Variants in MYH13 observed in about 807,000 individuals in gnomAD.
MYH13 encodes myosin-13.
MYH13 carries 177 observed loss-of-function variants against 232.1 expected under a neutral mutation model. That is an observed-to-expected ratio of 0.76 (90% CI 0.67 to 0.86). The LOEUF is 0.86. Among genes scored for constraint, MYH13 ranks in the 40% least tolerant of loss-of-function variants. MYH13 has a pLI of 0.00. For missense variants in MYH13, 2,246 were observed against 2,405.9 expected, an observed-to-expected ratio of 0.93 and a Z score of 1.39; for synonymous variants, 884 against 923.5, an observed-to-expected ratio of 0.96 and a Z score of 0.78.
chr17:10,347,712 CTTTTTTTTTT>C (rs71139041), intron 12 of MYH13, among the ~76,000 whole-genome samples: 1 of 86,724 alleles, frequency 1.2e-5, no homozygotes, highest in African/African-American at 4.5e-5. Flanking sequence ...GGGACTACTT[CTTTTTTTTTT>C]TTTTTTTTTT....
chr17:10,359,181 G>A (rs1211991328), intron 7 of MYH13, among the ~76,000 whole-genome samples: 3 of 152,194 alleles, frequency 2.0e-5, no homozygotes, highest in African/African-American at 7.2e-5. Context: ...CTCAGGATGG[G>A]GGCTGGCTGC....
Position 10,328,006 on chromosome 17 carries a change from T to C in MYH13, c.2551A>G (p.Lys851Glu). The change falls in exon 22 of 41, where the codon AAG (lysine) becomes GAG (glutamate). Residue 851 changes from lysine to glutamate, a missense_variant. By Grantham distance (56) the Lys-to-Glu change is moderately conservative. Transcript: ENST00000252172. ...KPLLKSAEAEKEMATMKEDFE... is the reference protein window; with the variant it reads ...KPLLKSAEAEEEMATMKEDFE... ...TCTTCCTTCATGGTGGCCATCTCCT[T>C]CTCGGCCTCTGCACTCTTCAGCAGG... 6.2e-7 allele frequency: 1 copy of C among 1,614,134 alleles called. No homozygotes were observed. The highest frequency in any genetic ancestry group is 8.5e-7 in the Non-Finnish European group (1 of 1,180,006).
At chr17:10,349,754 G>A (rs1481258069) in intron 12 of MYH13, among the ~76,000 whole-genome samples, 2 of 152,106 alleles carry the variant, frequency 1.3e-5, no homozygotes, top group African/African-American at 4.8e-5. Flanking sequence ...AAGCATTTAT[G>A]GGACACTGAT....
intron 2 of MYH13, among the ~76,000 whole-genome samples, chr17:10,369,034 C>T (rs1323644947): frequency 6.6e-6 from 1 of 152,156 alleles, no homozygotes; most frequent in Non-Finnish European, 1.5e-5. Flanking sequence ...AAAACCATGG[C>T]ACAGTCTCAT....
intron 2 of MYH13, among the ~76,000 whole-genome samples, chr17:10,368,288 A>G (rs373149763): frequency 5.3e-5 from 8 of 152,360 alleles, no homozygotes; most frequent in African/African-American, 1.7e-4. Context: ...GTGATTTATA[A>G]CAAATGCTGT....
Position 10,320,481 on chromosome 17 carries a change from C to G in MYH13, c.3127G>C (p.Glu1043Gln). 1.2e-6 allele frequency: 2 copies of G among 1,612,916 alleles called. No homozygotes were observed. Among genetic ancestry groups the G allele is most frequent in the Non-Finnish European group, 1.7e-6 (2 of 1,179,528 alleles). ...TCCGCCCGCAGTTTCTTCTCCTGCT[C>G]TAAGGAACCCTCAAGCTGAGAAGAC... Reference protein sequence around the residue: ...QQTDDLEGSLEQEKKLRADLE... With the variant: ...QQTDDLEGSLQQEKKLRADLE... The change falls in exon 25 of 41, where the codon GAG becomes CAG. Residue 1043 changes from glutamate to glutamine, a missense_variant. Physicochemically the swap from Glu to Gln is conservative, Grantham distance 29. Transcript: ENST00000252172.
chr17:10,365,038 AT>A (rs1018693926), intron 2 of MYH13, among the ~76,000 whole-genome samples: 2 of 151,566 alleles, frequency 1.3e-5, no homozygotes, highest in East Asian at 3.9e-4. Flanking sequence ...ACACCCAGCT[AT>A]TTTTTTTATA....
At chr17:10,355,692 G>C (rs949464861) in intron 8 of MYH13, among the ~76,000 whole-genome samples, 1 of 152,072 alleles carries the variant, frequency 6.6e-6, no homozygotes, top group African/African-American at 2.4e-5. Flanking sequence ...ATGCCCACAG[G>C]CTCCTTCTCC....
intron 29 of MYH13, among the ~76,000 whole-genome samples, chr17:10,315,375 C>T (rs1906663474): frequency 6.6e-6 from 1 of 152,168 alleles, no homozygotes; most frequent in African/African-American, 2.4e-5. Flanking sequence ...TCACTGCCAC[C>T]TCCGCCCCCT....
chr17:10,343,783 A>G lies in MYH13; in HGVS notation c.1894+17T>C. ...CATAGAACGTCCCACAGAGGGAAAGAAATGATAGAATTTTACCTGTCTCTG... is the reference window on the plus strand; with the variant it reads ...CATAGAACGTCCCACAGAGGGAAAGGAATGATAGAATTTTACCTGTCTCTG... On this transcript the variant is annotated intron_variant, in intron 16 of 40. Coordinates refer to ENST00000252172, the MANE Select transcript of MYH13 (RefSeq NM_003802.3). The G allele has an allele frequency of 1.9e-6, 3 of 1,568,198 alleles. No individual in the cohort carries two copies. The highest frequency in any genetic ancestry group is 2.6e-6 in the Non-Finnish European group (3 of 1,156,838).
intron 16 of MYH13, 120 bp from the exon 17 acceptor site, chr17:10,340,521 T>G: frequency 1.4e-6 from 1 of 736,686 alleles, no homozygotes; most frequent in Non-Finnish European, 2.2e-6. Context: ...AGACTTGAGG[T>G]TTTGTTTGTT....
rs754560986 is a variant in MYH13, at chr17:10,345,584, G to A, written c.1296C>T (p.Ala432=). The A allele has an allele frequency of 5.0e-6, 8 of 1,613,978 alleles. No homozygotes were observed. The African/African-American group carries it at 8.0e-5, about 16-fold the overall frequency. ...VTNSVGALAK[A]VYEKMFLWMV... The stretch of plus-strand genomic sequence containing the variant: ...TCCACAGGAACATCTTCTCGTAGAC[G>A]GCTTTGGCCAGAGCACCCACCGAAT... Residue 432 remains alanine, a synonymous_variant, in exon 14 of 41, where the codon GCC becomes GCT. Coordinates refer to ENST00000252172, the MANE Select transcript of MYH13 (RefSeq NM_003802.3).
chr17:10,327,974 C>G lies in MYH13; in HGVS notation c.2583G>C (p.Glu861Asp), dbSNP rs748790850. ...KEMATMKEDF[E>D]RTKEELARSE... ...ATCGGGCCAGTTCTTCCTTGGTCCTCTCAAAGTCTTCCTTCATGGTGGCCA... is the reference window on the plus strand; with the variant it reads ...ATCGGGCCAGTTCTTCCTTGGTCCTGTCAAAGTCTTCCTTCATGGTGGCCA... Residue 861 changes from glutamate to aspartate, a missense_variant, in exon 22 of 41, where the codon GAG becomes GAC. By Grantham distance (45) the Glu-to-Asp change is conservative. Coordinates refer to ENST00000252172, the MANE Select transcript of MYH13 (RefSeq NM_003802.3). 3.7e-6 allele frequency: 6 copies of G among 1,614,118 alleles called. No individual in the cohort carries two copies. The highest frequency in any genetic ancestry group is 4.2e-6 in the Non-Finnish European group (5 of 1,180,002).
chr17:10,340,869 G>C (rs569613078), intron 16 of MYH13, among the ~76,000 whole-genome samples: 1 of 151,976 alleles, frequency 6.6e-6, no homozygotes, highest in Non-Finnish European at 1.5e-5. Context: ...TGTGGGAATG[G>C]GGTGGGAATG....
intron 2 of MYH13, among the ~76,000 whole-genome samples, chr17:10,369,500 T>C (rs1157151826): frequency 1.3e-5 from 2 of 152,220 alleles, no homozygotes; most frequent in African/African-American, 4.8e-5. Context: ...AATGAATCAA[T>C]GTAAATACAA....
chr17:10,357,255 C>T (rs1007552297), intron 8 of MYH13, among the ~76,000 whole-genome samples: 9 of 152,194 alleles, frequency 5.9e-5, no homozygotes, highest in Non-Finnish European at 1.2e-4. Flanking sequence ...AGCCACCGCG[C>T]CCAGACTATT....
chr17:10,347,011 C>T (rs1310920266), intron 12 of MYH13, among the ~76,000 whole-genome samples: 1 of 152,180 alleles, frequency 6.6e-6, no homozygotes, highest in Non-Finnish European at 1.5e-5. Flanking sequence ...CTCCTAGATG[C>T]AGTTTTAACA....
At chr17:10,333,988 C>A (rs894816506) in intron 18 of MYH13, among the ~76,000 whole-genome samples, 4 of 151,698 alleles carry the variant, frequency 2.6e-5, no homozygotes, top group Admixed American at 2.6e-4. Context: ...GCTGACCACT[C>A]AGCCCCTGCT....
At chr17:10,357,640 C>T in intron 8 of MYH13, 95 bp downstream of exon 8, 1 of 1,086,018 alleles carries the variant, frequency 9.2e-7, no homozygotes, top group Non-Finnish European at 1.4e-6. Context: ...AAAAGGCCCC[C>T]ATATATTCCA....
Sources: gnomAD v4.1 joint callset for allele counts (sites outside exome capture counted in the v4.1 genomes callset) on GRCh38, gnomAD v4.1.1 for gene constraint, MANE v1.5 for transcripts, NCBI Gene and HGNC (gene_info 2026-07-23, HGNC 2026-07-21) for gene names.